CCL26: variants seen among roughly 807,000 people sequenced by gnomAD.
CCL26 encodes the protein C-C motif chemokine ligand 26, also known as C-C motif chemokine 26.
In CCL26, 10 loss-of-function variants were observed where a neutral mutation model predicts 10.7. That is an observed-to-expected ratio of 0.93 (90% confidence interval 0.57 to 1.58). CCL26 has a LOEUF of 1.58. Ranked by LOEUF, CCL26 falls within the 40% of genes most tolerant of loss-of-function variation. The pLI, the probability that CCL26 is intolerant of heterozygous loss-of-function variation, is 0.00. For missense variants in CCL26, 116 were observed against 111.0 expected (o/e 1.05, Z -0.20); for synonymous variants, 43 against 41.4 (o/e 1.04, Z -0.15).
chr7:75,779,421 C>T (rs530649210), intron 1 of CCL26, among the ~76,000 whole-genome samples: 1 of 152,326 alleles, frequency 6.6e-6, no homozygotes, highest in African/African-American at 2.4e-5. Context: ...CTCAGACCGA[C>T]CAGCCCAAGG....
Position 75,787,056 on chromosome 7 carries a change from C to T in CCL26, c.-79+2661G>A, listed in dbSNP as rs1378034950. On this transcript the variant is annotated intron_variant, in intron 1 of 3. Transcript: ENST00000394905. Reference sequence around the variant, plus strand: ...GCCCAGGACTGGCAAATTGACTTTACTCACCCTGAGTCAGGAAACTAAAAT... The same window carrying T: ...GCCCAGGACTGGCAAATTGACTTTATTCACCCTGAGTCAGGAAACTAAAAT... Among the ~76,000 whole-genome samples, 3 of 152,174 alleles carry T rather than the reference C, an allele frequency of 2.0e-5. No homozygotes were observed. In the East Asian group the frequency reaches 5.8e-4, roughly 29 times the overall value.
chr7:75,774,479 C>T (rs1554528513), upstream of CCL26, among the ~76,000 whole-genome samples: 1 of 151,746 alleles, frequency 6.6e-6, no homozygotes, highest in Admixed American at 6.6e-5. Context: ...CAGAGTCTTG[C>T]TCTGTCATCC....
At chr7:75,773,986 T>C (rs1802883995), upstream of CCL26, among the ~76,000 whole-genome samples, 1 of 151,806 alleles carries the variant, frequency 6.6e-6, no homozygotes, top group African/African-American at 2.4e-5. Flanking sequence ...ACTGGGATTA[T>C]AGGGGAGAGC....
chr7:75,769,871 C>T, intron 2 of CCL26, 82 bp from the exon 3 acceptor site: 2 of 835,896 alleles, frequency 2.4e-6, no homozygotes, highest in South Asian at 2.8e-5. Flanking sequence ...AGGGGCAGCT[C>T]TCTCACTAGT....
chr7:75,773,386 T>G (rs1554528387), upstream of CCL26, among the ~76,000 whole-genome samples: 1 of 151,394 alleles, frequency 6.6e-6, no homozygotes, highest in African/African-American at 2.4e-5. Context: ...ATCCCGCCAT[T>G]GCACTCCAGC....
chr7:75,772,168 G>A lies in CCL26; in HGVS notation c.9C>T (p.Gly3=). 1 of 1,550,844 alleles carries A rather than the reference G, an allele frequency of 6.4e-7. No homozygotes were observed. Among genetic ancestry groups the A allele is most frequent in the Non-Finnish European group, 8.7e-7 (1 of 1,146,790 alleles). Residue 3 remains glycine, a synonymous_variant, in exon 1 of 3, where the codon GGC becomes GGT. Coordinates refer to ENST00000005180, the MANE Select transcript of CCL26 (RefSeq NM_001371938.1). ...GGAGCACAGCAGAGGCCAAGGAGAG[G>A]CCCATCATGATGCTGCAAATCAGGC... MM[G]LSLASAVLLA...
upstream of CCL26, among the ~76,000 whole-genome samples, chr7:75,775,863 G>A (rs1411149823): frequency 6.6e-6 from 1 of 151,562 alleles, no homozygotes; most frequent in African/African-American, 2.4e-5. Flanking sequence ...CTTTGAGACT[G>A]AGTCTCATTC....
chr7:75,791,291 T>TG, upstream of CCL26, among the ~76,000 whole-genome samples: 1 of 152,268 alleles, frequency 6.6e-6, no homozygotes, highest in Middle Eastern at 3.4e-3. Flanking sequence ...CCCAAAGGGC[T>TG]GGGATTACAG....
upstream of CCL26, among the ~76,000 whole-genome samples, chr7:75,790,072 C>G (rs1563342267): frequency 8.0e-6 from 1 of 124,954 alleles, no homozygotes; most frequent in Non-Finnish European, 1.6e-5. Context: ...TCTTTCCCTT[C>G]TTTTCTTCCT....
intron 1 of CCL26, among the ~76,000 whole-genome samples, chr7:75,782,388 C>T (rs1179006665): frequency 6.6e-6 from 1 of 152,080 alleles, no homozygotes; most frequent in Non-Finnish European, 1.5e-5. Flanking sequence ...ACCCACATTC[C>T]CTTGGTGGCA....
chr7:75,771,417 G>A (rs747266113), intron 2 of CCL26, among the ~76,000 whole-genome samples: 2 of 152,082 alleles, frequency 1.3e-5, no homozygotes, highest in Non-Finnish European at 2.9e-5. Context: ...ACTTCACTGT[G>A]AGTTTATTAA....
chr7:75,786,648 G>A (rs1210442275), intron 1 of CCL26, among the ~76,000 whole-genome samples: 2 of 152,154 alleles, frequency 1.3e-5, no homozygotes, highest in African/African-American at 4.8e-5. Context: ...TCAGGGCAAC[G>A]CTTATGCTGA....
At chr7:75,784,084 C>G (rs1554529733) in intron 1 of CCL26, among the ~76,000 whole-genome samples, 9 of 152,168 alleles carry the variant, frequency 5.9e-5, no homozygotes. Context: ...GTTGTAATTC[C>G]TTGCCCCCAC....
upstream of CCL26, chr7:75,772,385 G>A: frequency 1.8e-6 from 1 of 559,646 alleles, no homozygotes; most frequent in South Asian, 2.2e-5. Flanking sequence ...CACTGGGCGT[G>A]GTGGCTCATG....
chr7:75,772,201 A>G lies in CCL26; in HGVS notation c.-25T>C. On this transcript the variant is annotated 5_prime_UTR_variant, in exon 1 of 3. Transcript: ENST00000005180. The stretch of plus-strand genomic sequence containing the variant: ...TGATGCTGCAAATCAGGCCCTTCTC[A>G]GGTTTCTCCCAAACTCCTCCTGCCT... 1 of 1,535,388 alleles carries G rather than the reference A, an allele frequency of 6.5e-7. No homozygotes were observed. The highest frequency in any genetic ancestry group is 8.8e-7 in the Non-Finnish European group (1 of 1,133,814).
chr7:75,781,467 C>T (rs1205150467), intron 1 of CCL26, among the ~76,000 whole-genome samples: 1 of 152,196 alleles, frequency 6.6e-6, no homozygotes, highest in African/African-American at 2.4e-5. Flanking sequence ...ATGCCCGCAG[C>T]CCAGGATTCC....
At chr7:75,787,416 G>A (rs868992205) in intron 1 of CCL26, among the ~76,000 whole-genome samples, 39 of 151,992 alleles carry the variant, frequency 2.6e-4, no homozygotes, top group Middle Eastern at 3.4e-3. Flanking sequence ...AGGCTGAGGC[G>A]GGCAGATCAC....
chr7:75,784,330 G>A (rs1205558128), intron 1 of CCL26, among the ~76,000 whole-genome samples: 1 of 152,172 alleles, frequency 6.6e-6, no homozygotes, highest in Non-Finnish European at 1.5e-5. Context: ...CACTCCCAGA[G>A]CCCCTGGAAC....
rs375869335 is a variant in CCL26 at position 75,780,888 on chromosome 7, T to A, written c.-78-8634A>T. Among the ~76,000 whole-genome samples, 5 of 152,218 alleles carry A rather than the reference T, an allele frequency of 3.3e-5. No homozygotes were observed. The East Asian group carries it at 7.7e-4, about 24-fold the overall frequency. On this transcript the variant is annotated intron_variant, in intron 1 of 3. Transcript: ENST00000394905. ...TATCACCTCACCTCCTCACACCCCG[T>A]CCGGCTTACAGTTTCGTTCCATGAC...
Sources: gnomAD v4.1 joint callset for allele counts (sites outside exome capture counted in the v4.1 genomes callset) on GRCh38, gnomAD v4.1.1 for gene constraint, MANE v1.5 for transcripts, NCBI Gene and HGNC (gene_info 2026-07-23, HGNC 2026-07-21) for gene names.